The following MUC5B variants were observed in gnomAD, a reference collection of about 807,000 sequenced individuals.
MUC5B encodes the protein mucin 5B, oligomeric mucus/gel-forming.
Under a neutral mutation model 376.9 loss-of-function variants are expected in MUC5B, and 116 were observed. The ratio of observed to expected loss-of-function variants is 0.31; its 90% CI spans 0.26 to 0.36. The LOEUF (loss-of-function observed/expected upper bound fraction) is 0.36. MUC5B is among the 10% of genes least tolerant of loss of function. The pLI is 1.00. For missense variants in MUC5B, 7,165 were observed against 7,769.9 expected (o/e 0.92, Z 2.93); for synonymous variants, 3,517 against 3,390.9 (o/e 1.04, Z -1.29).
chr11:1,252,690 C>T (rs1373436593), intron 32 of MUC5B, 119 bp from the exon 33 acceptor site: 19 of 1,416,918 alleles, frequency 1.3e-5, no homozygotes, highest in Admixed American at 4.4e-5. Context: ...GCATGGGGGC[C>T]GCCCTCCTCA....
chr11:1,234,162 G>T lies in MUC5B; in HGVS notation c.2378-43G>T. Reference sequence around the variant, plus strand: ...TGCCTGGGGTCAGTTGAGGGCCGTGGCTGCCCTTCCCCAGGACCCCTCCCA... The same window carrying T: ...TGCCTGGGGTCAGTTGAGGGCCGTGTCTGCCCTTCCCCAGGACCCCTCCCA... On this transcript the variant is annotated intron_variant, in intron 19 of 48. Transcript: ENST00000529681. This position sits in a 1 kb window ranked among gnomAD's most constrained non-coding sequence, Gnocchi z 6.3. The T allele has an allele frequency of 2.0e-6, 3 of 1,492,816 alleles. No homozygotes were observed. The highest frequency in any genetic ancestry group is 2.7e-6 in the Non-Finnish European group (3 of 1,091,476). 92.5% of individuals were successfully genotyped at this position (1,492,816 alleles called of 1,614,324 possible). A position where few individuals can be genotyped will look rare whatever the true frequency, so the allele number is the denominator to read the frequency against.
chr11:1,250,649 C>T lies in MUC5B; in HGVS notation c.13769C>T (p.Thr4590Ile). 1.2e-6 allele frequency: 2 copies of T among 1,612,616 alleles called. No homozygotes were observed. The highest frequency in any genetic ancestry group is 8.5e-7 in the Non-Finnish European group (1 of 1,179,012). ...TPSSTPGTAH[T>I]TKVPTTTTTG... Reference sequence around the variant, plus strand: ...TCCTCCACCCCAGGAACAGCTCACACTACCAAAGTGCCGACTACCACAACC... The same window carrying T: ...TCCTCCACCCCAGGAACAGCTCACATTACCAAAGTGCCGACTACCACAACC... The change falls in exon 31 of 49, where the codon ACT becomes ATT. Residue 4590 changes from threonine to isoleucine, a missense_variant. Transcript: ENST00000529681.
At chr11:1,255,322 C>T in intron 36 of MUC5B, 56 bp downstream of exon 36, 1 of 1,519,300 alleles carries the variant, frequency 6.6e-7, no homozygotes, top group Admixed American at 2.1e-5. Context: ...CGCCCGCATG[C>T]ACGCACGCAC....
Position 1,244,838 on chromosome 11 carries a change from C to G in MUC5B, c.7958C>G (p.Pro2653Arg). 1.2e-6 allele frequency: 2 copies of G among 1,613,664 alleles called. No homozygotes were observed. The highest frequency in any genetic ancestry group is 1.7e-6 in the Non-Finnish European group (2 of 1,179,770). ...RGSTVTPSSI[P>R]GTTHTPTVLT... ...TCCACGGTGACCCCCTCCTCCATCCCGGGGACCACCCACACCCCCACAGTG... is the reference window on the plus strand; with the variant it reads ...TCCACGGTGACCCCCTCCTCCATCCGGGGGACCACCCACACCCCCACAGTG... The change falls in exon 31 of 49, where the codon CCG becomes CGG. Residue 2653 changes from proline (P) to arginine (R), a missense_variant. Physicochemically the swap from Pro to Arg is moderately radical, Grantham distance 103. Around this residue, in one of 31 missense-constraint regions of MUC5B, gnomAD observed 141 missense variants for 111.2 expected, o/e 1.27. Coordinates refer to ENST00000529681, the MANE Select transcript of MUC5B (RefSeq NM_002458.3).
intron 25 of MUC5B, among the ~76,000 whole-genome samples, chr11:1,238,103 C>G (rs1236335020): frequency 2.0e-5 from 3 of 152,182 alleles, no homozygotes; most frequent in Non-Finnish European, 4.4e-5. Context: ...CCTGACAAAG[C>G]TGAGCCCAGG....
rs763087878 is a variant in MUC5B, at chr11:1,250,814, C to T, written c.13934C>T (p.Thr4645Ile). The T allele has an allele frequency of 2.5e-6, 4 of 1,613,396 alleles. No homozygotes were observed. The South Asian group carries it at 3.3e-5, about 13-fold the overall frequency. The stretch of plus-strand genomic sequence containing the variant: ...GTGACCCCCTCCTCCATCCCGGGGA[C>T]CACCCACACCGCCAGAGTGCTGACC... ...STVTPSSIPG[T>I]THTARVLTTT... The change falls in exon 31 of 49, where the codon ACC (threonine) becomes ATC (isoleucine). Residue 4645 changes from threonine to isoleucine, a missense_variant. Thr to Ile is a moderately conservative substitution (Grantham distance 89, BLOSUM62 -1). Transcript: ENST00000529681.
In MUC5B at chr11:1,236,909, C is replaced by T; in HGVS notation, c.3058-16C>T. The T allele has an allele frequency of 7.0e-7, 1 of 1,421,332 alleles. No individual in the cohort carries two copies. The highest frequency in any genetic ancestry group is 9.2e-7 in the Non-Finnish European group (1 of 1,082,434). 88.0% of individuals were successfully genotyped at this position (1,421,332 alleles called of 1,614,324 possible). On this transcript the variant is annotated splice_polypyrimidine_tract_variant and intron_variant, in intron 24 of 48. Transcript: ENST00000529681. ...GGCCCCAGCTCCAGGGCCCCACTCT[C>T]TCGCTGCCTCTGCAGGGCAGGGTCT... is the stretch of plus-strand genomic sequence containing the variant.
At chr11:1,225,371 G>C (rs897137507) in intron 1 of MUC5B, among the ~76,000 whole-genome samples, 1 of 152,232 alleles carries the variant, frequency 6.6e-6, no homozygotes, top group Non-Finnish European at 1.5e-5. Flanking sequence ...CCTGTCAGTC[G>C]GGGACAGGGC....
chr11:1,247,977 A>G lies in MUC5B; in HGVS notation c.11097A>G (p.Thr3699=). The G allele has an allele frequency of 6.2e-7, 1 of 1,610,618 alleles. No homozygotes were observed. ...TTWILTKLTT[T]ATTTESTGST... is the part of the protein sequence containing the mutation. ...GGATCCTCACAAAGCTGACCACAAC[A>G]GCCACTACGACTGAGTCCACTGGAT... Residue 3699 remains threonine, a synonymous_variant, in exon 31 of 49, where the codon ACA becomes ACG. Transcript: ENST00000529681.
Position 1,255,090 on chromosome 11 carries a change from C to A in MUC5B, c.15714C>A (p.Thr5238=), listed in dbSNP as rs1461854398. ...ACGACTGTCTCCAGCGGGACGGAAC[C>A]ACTGCCGCCAGTTGCAAGGACATGG... is the stretch of plus-strand genomic sequence containing the variant. The part of the protein sequence containing the change: ...QRDDCLQRDG[T]TAASCKDMAK... The change falls in exon 36 of 49, where the codon ACC becomes ACA. Residue 5238 remains threonine, a synonymous_variant. Coordinates refer to ENST00000529681, the MANE Select transcript of MUC5B (RefSeq NM_002458.3). 2.5e-6 allele frequency: 4 copies of A among 1,594,322 alleles called. No homozygotes were observed. In the East Asian group the frequency reaches 9.2e-5, roughly 37 times the overall value.
At chr11:1,252,726 C>T (rs556173481) in intron 32 of MUC5B, 83 bp from the exon 33 acceptor site, 3 of 1,496,262 alleles carry the variant, frequency 2.0e-6, no homozygotes, top group Admixed American at 4.0e-5. Context: ...CCACCCGGGG[C>T]TTTGGGCCAT....
chr11:1,223,437 C>T (rs1309733704), intron 1 of MUC5B: 2 of 634,036 alleles, frequency 3.2e-6, no homozygotes, highest in Non-Finnish European at 5.8e-6. Context: ...CCCCTGACCG[C>T]AGGGCAAGGC....
At position 1,259,821 on chromosome 11, in the gene MUC5B, G is replaced by A. The variant is rs371629733; in HGVS notation, c.16779G>A (p.Thr5593=). ...CGECVQTACL[T]PDGQPVQLNE... is the part of the protein sequence containing the mutation. The stretch of plus-strand genomic sequence containing the variant: ...AGTGCGTCCAGACCGCCTGCCTCAC[G>A]CCCGATGGCCAGCCAGTCCAGGTAA... Residue 5593 remains threonine (T), a synonymous_variant, in exon 45 of 49, where the codon ACG becomes ACA. Coordinates refer to ENST00000529681, the MANE Select transcript of MUC5B (RefSeq NM_002458.3). 9 of 1,612,390 alleles carry A rather than the reference G, an allele frequency of 5.6e-6. No homozygotes were observed. The highest frequency in any genetic ancestry group is 2.2e-5 in the East Asian group (1 of 44,872).
Position 1,240,081 on chromosome 11 carries a change from C to T in MUC5B, c.3765C>T (p.Ser1255=), listed in dbSNP as rs138911413. The T allele has an allele frequency of 1.0e-3, 1,577 of 1,565,978 alleles. 9 individuals are homozygous for T. In the African/African-American group the frequency reaches 0.019, roughly 19 times the overall value. Residue 1255 remains serine (S), a synonymous_variant, in exon 29 of 49, where the codon AGC becomes AGT. Transcript: ENST00000529681. The part of the protein sequence containing the change: ...CTPSGIQCAH[S]LEACTCTYED... ...CCAGTGGCATCCAGTGCGCTCACAG[C>T]CTTGAGGGTAAGGAAGGGCCGGGGG...
Position 1,241,628 on chromosome 11 carries a change from G to T in MUC5B, c.4748G>T (p.Gly1583Val), listed in dbSNP as rs1294143727. The change falls in exon 31 of 49, where the codon GGC (glycine) becomes GTC (valine). Residue 1583 changes from glycine to valine, a missense_variant. Around this residue, in one of 31 missense-constraint regions of MUC5B, gnomAD observed 25 missense variants for 46.5 expected, o/e 0.54. Transcript: ENST00000529681. ...GTGTGCAGGAACTGGGAGCAGGAGGGCGTCTTCAAGATGTGCTACAACTAC... is the reference window on the plus strand; with the variant it reads ...GTGTGCAGGAACTGGGAGCAGGAGGTCGTCTTCAAGATGTGCTACAACTAC... ...GLVCRNWEQE[G>V]VFKMCYNYRI... is the part of the protein sequence containing the mutation. 6.2e-7 allele frequency: 1 copy of T among 1,612,320 alleles called. No individual in the cohort carries two copies. Among genetic ancestry groups the T allele is most frequent in the Admixed American group, 1.7e-5 (1 of 59,892 alleles).
At position 1,242,375 on chromosome 11, in the gene MUC5B, C is replaced by T. The variant is rs183299692; in HGVS notation, c.5495C>T (p.Ala1832Val). ...GCACCAAAGAGCATAGAGTGCCGGG[C>T]GGAGAACTACCCCGAGGTAAGCATC... ...CWAPKSIECR[A>V]ENYPEVSIDQ... Residue 1832 changes from alanine to valine, a missense_variant, in exon 31 of 49, where the codon GCG (alanine) becomes GTG (valine). Physicochemically the swap from Ala to Val is moderately conservative, Grantham distance 64. Around this residue, in one of 31 missense-constraint regions of MUC5B, gnomAD observed 897 missense variants for 779.6 expected, o/e 1.15. Transcript: ENST00000529681. The T allele has an allele frequency of 4.6e-4, 748 of 1,613,830 alleles. 4 individuals carry two copies. In the African/African-American group the frequency reaches 7.2e-3, roughly 16 times the overall value.
At chr11:1,226,026 G>A (rs1325427495) in intron 2 of MUC5B, among the ~76,000 whole-genome samples, 179 bp from the exon 3 acceptor site, 1 of 152,248 alleles carries the variant, frequency 6.6e-6, no homozygotes, top group East Asian at 1.9e-4. Flanking sequence ...CAAAACACAA[G>A]GGCAGCAGTG....
rs767116127 is a variant in MUC5B, at chr11:1,251,504, A to G, written c.14624A>G (p.His4875Arg). The G allele has an allele frequency of 1.3e-6, 2 of 1,565,862 alleles. No homozygotes were observed. Among genetic ancestry groups the G allele is most frequent in the Non-Finnish European group, 1.8e-6 (2 of 1,142,682 alleles). The change falls in exon 31 of 49, where the codon CAC (histidine) becomes CGC (arginine). Residue 4875 changes from histidine to arginine, a missense_variant. Physicochemically the swap from His to Arg is conservative, Grantham distance 29 (BLOSUM62 0). This residue lies in a region of MUC5B where 730 missense variants were observed against 592.7 expected (regional missense o/e 1.23). Coordinates refer to ENST00000529681, the MANE Select transcript of MUC5B (RefSeq NM_002458.3). Reference protein sequence around the residue: ...ATASSTLGTAHTPKVVTTMAT... With the variant: ...ATASSTLGTARTPKVVTTMAT... ...GCCTCCTCCACTCTGGGAACAGCTC[A>G]CACCCCCAAAGTGGTGACCACCATG...
Position 1,226,212 on chromosome 11 carries a change from G to A in MUC5B, c.135G>A (p.Pro45=), listed in dbSNP as rs1033513302. ...ACCAGCCTTCACCCACAGGTGCCCCGACGTCCTCGCCCACCCGGCGCGTGA... is the reference window on the plus strand; with the variant it reads ...ACCAGCCTTCACCCACAGGTGCCCCAACGTCCTCGCCCACCCGGCGCGTGA... The part of the protein sequence containing the change: ...NAGHTMDGGA[P]TSSPTRRVSF... The change falls in exon 3 of 49, where the codon CCG becomes CCA. Residue 45 remains proline (P), a synonymous_variant. Transcript: ENST00000529681. The A allele has an allele frequency of 5.2e-5, 80 of 1,551,844 alleles. No homozygotes were observed. The highest frequency in any genetic ancestry group is 6.6e-5 in the Non-Finnish European group (76 of 1,149,376).
Sources: allele counts gnomAD v4.1 joint callset (sites outside exome capture counted in the v4.1 genomes callset), GRCh38; gene constraint gnomAD v4.1.1; regional missense constraint gnomAD v4.1.1; non-coding constraint Gnocchi (gnomAD v3.1); transcripts MANE v1.5; gene names NCBI Gene and HGNC (gene_info 2026-07-23, HGNC 2026-07-21).